CARMIL1: variants seen among roughly 807,000 people sequenced by gnomAD.
The protein encoded by CARMIL1 is capping protein regulator and myosin 1 linker 1, also known as F-actin-uncapping protein LRRC16A.
A neutral mutation model predicts 177.1 loss-of-function variants in CARMIL1; 90 were observed. That is an observed-to-expected ratio of 0.51 (90% confidence interval 0.43 to 0.61). CARMIL1 has a LOEUF of 0.61. Among genes scored for constraint, CARMIL1 ranks in the 20% least tolerant of loss-of-function variants. The pLI is 0.00. For missense variants in CARMIL1, 1,380 were observed against 1,667.0 expected, an observed-to-expected ratio of 0.83 and a Z score of 3.00; for synonymous variants, 577 against 606.2, an observed-to-expected ratio of 0.95 and a Z score of 0.71.
At chr6:25,555,197 C>G (rs1810489843) in intron 28 of CARMIL1, among the ~76,000 whole-genome samples, 1 of 151,986 alleles carries the variant, frequency 6.6e-6, no homozygotes, top group African/African-American at 2.4e-5. Flanking sequence ...TCTGATTTTT[C>G]TTTTTTATTG....
chr6:25,449,801 C>T, intron 5 of CARMIL1, 97 bp from the exon 6 acceptor site: 1 of 661,176 alleles, frequency 1.5e-6, no homozygotes, highest in Non-Finnish European at 2.5e-6. Context: ...AAGTGACCCT[C>T]ATCTTTGTTG....
chr6:25,547,015 A>T (rs1465944797), intron 26 of CARMIL1, among the ~76,000 whole-genome samples: 1 of 152,066 alleles, frequency 6.6e-6, no homozygotes, highest in Non-Finnish European at 1.5e-5. Flanking sequence ...AGATCACGGC[A>T]CCACTGCACT....
chr6:25,450,338 G>T lies in CARMIL1; in HGVS notation c.470-1G>T. On this transcript the variant is annotated splice_acceptor_variant, in intron 6 of 36. Transcript: ENST00000329474. LOFTEE classifies it high-confidence loss of function. ...GTCAGTGTTTTTGTTGTATGTTTCA[G>T]GTGGATTTTCTCAGATGTATGCCTG... The T allele has an allele frequency of 6.2e-7, 1 of 1,612,314 alleles. No homozygotes were observed. Among genetic ancestry groups the T allele is most frequent in the Non-Finnish European group, 8.5e-7 (1 of 1,178,540 alleles).
Position 25,600,437 on chromosome 6 carries a change from G to A in CARMIL1, c.3243G>A (p.Glu1081=), listed in dbSNP as rs1815276454. ...TAATCAAATCCCGGTCCAAATCCGA[G>A]CGACCACCAACGATCTTGATGACAG... ...LNLIKSRSKS[E]RPPTILMTEE... Residue 1081 remains glutamate (E), a synonymous_variant, in exon 33 of 37, where the codon GAG becomes GAA. Coordinates refer to ENST00000329474, the MANE Select transcript of CARMIL1 (RefSeq NM_017640.6). The A allele has an allele frequency of 6.2e-7, 1 of 1,613,996 alleles. No individual in the cohort carries two copies. The highest frequency in any genetic ancestry group is 8.5e-7 in the Non-Finnish European group (1 of 1,179,902).
rs566871427 is a variant in CARMIL1, at chr6:25,288,653, C to T, written c.138+3744C>T. ...AAGAGGAACAAAGGGGTCCTGCATT[C>T]TGTTTTCTCCGTGGTGCGGAAAGTG... is the stretch of plus-strand genomic sequence containing the variant. On this transcript the variant is annotated intron_variant, in intron 2 of 36. Coordinates refer to ENST00000329474, the MANE Select transcript of CARMIL1 (RefSeq NM_017640.6). 4.6e-5 allele frequency among the ~76,000 whole-genome samples: 7 copies of T among 152,294 alleles called. No homozygotes were observed. In the East Asian group the frequency reaches 1.2e-3, roughly 25 times the overall value.
intron 5 of CARMIL1, among the ~76,000 whole-genome samples, 190 bp downstream of exon 5, chr6:25,435,794 G>A (rs2150767702): frequency 6.6e-6 from 1 of 152,276 alleles, no homozygotes; most frequent in Middle Eastern, 3.4e-3. Flanking sequence ...ACAGGGCTGT[G>A]TCTTATTCTT....
intron 2 of CARMIL1, among the ~76,000 whole-genome samples, chr6:25,378,166 A>G (rs943304484): frequency 2.0e-5 from 3 of 152,134 alleles, no homozygotes; most frequent in African/African-American, 7.2e-5. Flanking sequence ...CTGCATGGAG[A>G]ATGGGGAGTA....
chr6:25,583,686 A>G (rs78748506), intron 31 of CARMIL1, among the ~76,000 whole-genome samples: 2,953 of 152,316 alleles, frequency 0.019, 80 homozygotes, highest in African/African-American at 0.061. Context: ...AAAATACAAA[A>G]ACATTCTAGT....
intron 23 of CARMIL1, among the ~76,000 whole-genome samples, chr6:25,524,490 C>T (rs114801478): frequency 0.011 from 1,731 of 152,324 alleles, 44 homozygotes; most frequent in African/African-American, 0.039. Flanking sequence ...CAGAGCCCAG[C>T]TCTTAGCCAG....
chr6:25,479,083 A>G, intron 11 of CARMIL1: 2 of 518,830 alleles, frequency 3.9e-6, no homozygotes, highest in Non-Finnish European at 7.7e-6. Flanking sequence ...TTTCTAACAG[A>G]GAAGAGGCCT....
At chr6:25,510,839 G>C (rs1805389008) in intron 20 of CARMIL1, 77 bp downstream of exon 20, 1 of 818,232 alleles carries the variant, frequency 1.2e-6, no homozygotes, top group East Asian at 2.7e-5. Flanking sequence ...CTGGATTAAT[G>C]CTGAAATACT....
intron 8 of CARMIL1, among the ~76,000 whole-genome samples, chr6:25,462,290 C>G (rs1036366856): frequency 2.0e-5 from 3 of 152,098 alleles, no homozygotes; most frequent in Non-Finnish European, 4.4e-5. Flanking sequence ...TAATATGTGT[C>G]TCATCCCACT....
Position 25,306,173 on chromosome 6 carries a change from A to C in CARMIL1, c.138+21264A>C, listed in dbSNP as rs1184434362. On this transcript the variant is annotated intron_variant, in intron 2 of 36. Transcript: ENST00000329474. ...ATCCCTATTTGGCATGTTTTATATA[A>C]ATCAATTATATAATACGTGGCCTTT... Among the ~76,000 whole-genome samples the C allele has an allele frequency of 2.0e-5, 3 of 152,070 alleles. No homozygotes were observed. The East Asian group carries it at 5.8e-4, about 29-fold the overall frequency.
chr6:25,527,289 A>G (rs80295494), intron 23 of CARMIL1, among the ~76,000 whole-genome samples: 1 of 152,328 alleles, frequency 6.6e-6, no homozygotes, highest in East Asian at 1.9e-4. Context: ...CAGGCCTGGT[A>G]TTAAAGTCAC....
intron 2 of CARMIL1, among the ~76,000 whole-genome samples, chr6:25,416,414 C>A (rs928225162): frequency 1.3e-5 from 2 of 152,170 alleles, no homozygotes; most frequent in African/African-American, 4.8e-5. Context: ...ATTACATAAT[C>A]TCCATGTGCC....
At position 25,554,161 on chromosome 6, in the gene CARMIL1, T is replaced by G; in HGVS notation, c.2592+65T>G. On this transcript the variant is annotated intron_variant, in intron 28 of 36. Coordinates refer to ENST00000329474, the MANE Select transcript of CARMIL1 (RefSeq NM_017640.6). The surrounding 1 kb of genome is among the most constrained non-coding windows in gnomAD (Gnocchi z 4.6). ...AGCTCTGCTGTGATGCAGGATGACT[T>G]CCGGTGTGGGGATGTGATTTCTTTT... 9.0e-7 allele frequency: 1 copy of G among 1,107,406 alleles called. No individual in the cohort carries two copies. Among genetic ancestry groups the G allele is most frequent in the Non-Finnish European group, 1.3e-6 (1 of 741,936 alleles). 68.6% of individuals were successfully genotyped at this position (1,107,406 alleles called of 1,614,324 possible).
At chr6:25,503,933 G>A (rs1487447164) in intron 17 of CARMIL1, among the ~76,000 whole-genome samples, 1 of 152,080 alleles carries the variant, frequency 6.6e-6, no homozygotes, top group Non-Finnish European at 1.5e-5. Flanking sequence ...GGTGGTGGTA[G>A]GAGGGGTTGT....
chr6:25,416,908 C>T (rs58030046), intron 2 of CARMIL1, among the ~76,000 whole-genome samples: 11,396 of 152,106 alleles, frequency 0.075, 643 homozygotes, highest in African/African-American at 0.15. Context: ...TGGACCTAAG[C>T]TTTTTGGAAA....
intron 31 of CARMIL1, among the ~76,000 whole-genome samples, chr6:25,590,819 T>TATAG (rs1371456271): frequency 1.3e-5 from 2 of 152,300 alleles, no homozygotes; most frequent in East Asian, 3.9e-4. Flanking sequence ...TAATCTCTTA[T>TATAG]ATAGCTATGT....
Sources: allele counts gnomAD v4.1 joint callset (sites outside exome capture counted in the v4.1 genomes callset), GRCh38; gene constraint gnomAD v4.1.1; non-coding constraint Gnocchi (gnomAD v3.1); transcripts MANE v1.5; gene names NCBI Gene and HGNC (gene_info 2026-07-23, HGNC 2026-07-21).